Variants in XRCC4 observed in about 807,000 individuals in gnomAD.
The protein encoded by XRCC4 is X-ray repair cross complementing 4.
A neutral mutation model predicts 39.1 loss-of-function variants in XRCC4; 28 were observed. The ratio of observed to expected loss-of-function variants is 0.72; its 90% confidence interval spans 0.53 to 0.98. XRCC4 has a LOEUF of 0.98. XRCC4 is among the 50% of genes least tolerant of loss of function. The pLI, the probability that XRCC4 is intolerant of heterozygous loss-of-function variation, is 0.00. For synonymous variants in XRCC4, 123 were observed against 126.4 expected (o/e 0.97, Z 0.18); for missense variants, 350 against 376.4 (o/e 0.93, Z 0.58).
intron 7 of XRCC4, among the ~76,000 whole-genome samples, chr5:83,327,786 G>A (rs1756313061): frequency 6.6e-6 from 1 of 152,032 alleles, no homozygotes; most frequent in Admixed American, 6.6e-5. Flanking sequence ...AAATGTCTTT[G>A]CAAGCTAGGA....
At chr5:83,089,729 AT>A (rs1019946189) in intron 1 of XRCC4, among the ~76,000 whole-genome samples, 8 of 151,832 alleles carry the variant, frequency 5.3e-5, no homozygotes, top group African/African-American at 1.7e-4. Context: ...AGAAAAAAAA[AT>A]TATTTTTAAT....
At chr5:83,311,782 T>C (rs73138285) in intron 7 of XRCC4, among the ~76,000 whole-genome samples, 6,306 of 152,134 alleles carry the variant, frequency 0.041, 428 homozygotes, top group African/African-American at 0.14. Flanking sequence ...CTAATTTAAG[T>C]AGGCCCTTTA....
At chr5:83,365,169 T>G in the XRCC4 span, among the ~76,000 whole-genome samples, 2 of 152,170 alleles carry the variant, frequency 1.3e-5, no homozygotes, top group African/African-American at 4.8e-5. Flanking sequence ...TTGCTTCATA[T>G]GACTGATCTG....
chr5:83,329,961 C>T (rs1447645435), intron 7 of XRCC4, among the ~76,000 whole-genome samples: 3 of 151,956 alleles, frequency 2.0e-5, no homozygotes, highest in Admixed American at 6.6e-5. Flanking sequence ...TCTGTTTTGA[C>T]GGTTGTATTG....
chr5:83,129,369 G>T (rs181108482), intron 3 of XRCC4, among the ~76,000 whole-genome samples: 3,811 of 151,870 alleles, frequency 0.025, 74 homozygotes, highest in East Asian at 0.072. Flanking sequence ...TGCTGTTTTG[G>T]TTACTGTAGC....
intron 7 of XRCC4, among the ~76,000 whole-genome samples, chr5:83,349,757 T>C (rs556329909): frequency 6.6e-6 from 1 of 152,324 alleles, no homozygotes; most frequent in East Asian, 1.9e-4. Flanking sequence ...TCTGACTTTT[T>C]AAATATGATT....
At chr5:83,301,310 T>C (rs1359050311) in intron 7 of XRCC4, among the ~76,000 whole-genome samples, 1 of 152,244 alleles carries the variant, frequency 6.6e-6, no homozygotes, top group Non-Finnish European at 1.5e-5. Context: ...TGGTTTTGAT[T>C]TGCATTTCTC....
chr5:83,150,350 G>A (rs932611245), intron 3 of XRCC4, among the ~76,000 whole-genome samples: 1 of 151,950 alleles, frequency 6.6e-6, no homozygotes, highest in Non-Finnish European at 1.5e-5. Flanking sequence ...TTCCTTTTTT[G>A]GGGGAAGCTT....
At chr5:83,154,742 TCG>T (rs1280262771) in intron 3 of XRCC4, among the ~76,000 whole-genome samples, 2 of 152,134 alleles carry the variant, frequency 1.3e-5, no homozygotes, top group Non-Finnish European at 2.9e-5. Flanking sequence ...TTTTTTTCTC[TCG>T]TGTTTTGATT....
At chr5:83,182,700 A>AGGT (rs1750256268) in intron 3 of XRCC4, among the ~76,000 whole-genome samples, 1 of 152,026 alleles carries the variant, frequency 6.6e-6, no homozygotes, top group African/African-American at 2.4e-5. Context: ...GGCTCTTGGG[A>AGGT]GGTGATTCGG....
At chr5:83,363,492 G>A in the XRCC4 span, among the ~76,000 whole-genome samples, 984 of 152,268 alleles carry the variant, frequency 6.5e-3, 11 homozygotes, top group African/African-American at 0.022. Context: ...ACAACCACAC[G>A]CACTCAGACT....
At chr5:83,331,448 A>G (rs1756435009) in intron 7 of XRCC4, among the ~76,000 whole-genome samples, 1 of 152,108 alleles carries the variant, frequency 6.6e-6, no homozygotes, top group Non-Finnish European at 1.5e-5. Flanking sequence ...TGCTAAAGGG[A>G]GTGGAAATTA....
chr5:83,187,516 A>C (rs145971540), intron 3 of XRCC4, among the ~76,000 whole-genome samples: 1 of 152,182 alleles, frequency 6.6e-6, no homozygotes, highest in Non-Finnish European at 1.5e-5. Flanking sequence ...TACCACATTC[A>C]GGAATATTTT....
intron 2 of XRCC4, among the ~76,000 whole-genome samples, chr5:83,108,727 T>C (rs373264405): frequency 2.6e-4 from 40 of 152,034 alleles, no homozygotes; most frequent in African/African-American, 8.9e-4. Flanking sequence ...CAAATTTATT[T>C]CCTATTTCTC....
intron 3 of XRCC4, among the ~76,000 whole-genome samples, chr5:83,119,167 T>G (rs1459913678): frequency 2.0e-5 from 3 of 152,172 alleles, no homozygotes; most frequent in African/African-American, 7.2e-5. Context: ...TCCCTGTGGT[T>G]TCAGGGACTC....
At chr5:83,309,296 A>AAAAAAAAATATATATATATATATAT (rs1561467702) in intron 7 of XRCC4, among the ~76,000 whole-genome samples, 2 of 72,232 alleles carry the variant, frequency 2.8e-5, no homozygotes, top group African/African-American at 8.5e-5. Flanking sequence ...AAAAAAAAAA[A>AAAAAAAAATATATATATATATATAT]ATATATATAT....
intron 1 of XRCC4, among the ~76,000 whole-genome samples, chr5:83,094,082 T>G (rs1244469381): frequency 6.6e-6 from 1 of 152,202 alleles, no homozygotes. Context: ...TTACATGTTA[T>G]CGTCAACTCC....
intron 1 of XRCC4, among the ~76,000 whole-genome samples, chr5:83,086,405 T>G (rs1745183911): frequency 6.6e-6 from 1 of 152,232 alleles, no homozygotes. Context: ...ATATGCATTA[T>G]GTACTGTATT....
intron 7 of XRCC4, among the ~76,000 whole-genome samples, chr5:83,327,035 A>G (rs189242484): frequency 5.3e-5 from 8 of 152,130 alleles, no homozygotes; most frequent in Admixed American, 1.3e-4. Context: ...AAATATTTCT[A>G]TCTATATTTT....
Sources: allele counts gnomAD v4.1 joint callset (sites outside exome capture counted in the v4.1 genomes callset), GRCh38; gene constraint gnomAD v4.1.1; transcripts MANE v1.5; gene names NCBI Gene and HGNC (gene_info 2026-07-23, HGNC 2026-07-21).